The following TMEM156 variants were observed in gnomAD, a reference collection of about 807,000 sequenced individuals.
The protein encoded by TMEM156 is transmembrane protein 156.
A neutral mutation model predicts 30.5 loss-of-function variants in TMEM156; 28 were observed. That is an observed-to-expected ratio of 0.92 (90% CI 0.68 to 1.26). TMEM156 has a LOEUF of 1.26. Among genes scored for constraint, TMEM156 ranks in the 50% most tolerant of loss-of-function variants. The pLI, the probability that TMEM156 is intolerant of heterozygous loss-of-function variation, is 0.00. For missense variants in TMEM156, 351 were observed against 340.6 expected (o/e 1.03, Z -0.24); for synonymous variants, 137 against 119.9 (o/e 1.14, Z -0.93).
intron 1 of TMEM156, among the ~76,000 whole-genome samples, chr4:39,007,415 TTTTA>T (rs56959550): frequency 6.6e-6 from 1 of 151,562 alleles, no homozygotes. Context: ...CTTCCTTTCT[TTTTA>T]TTTATTTATG....
intron 5 of TMEM156, among the ~76,000 whole-genome samples, chr4:38,985,048 G>A (rs1032093724): frequency 1.3e-5 from 2 of 152,058 alleles, no homozygotes; most frequent in African/African-American, 4.8e-5. Flanking sequence ...TCAAAATTAC[G>A]ACTTGAAAAC....
chr4:38,971,332 C>A (rs911441071), intron 5 of TMEM156, among the ~76,000 whole-genome samples, 195 bp from the exon 6 acceptor site: 2 of 152,208 alleles, frequency 1.3e-5, no homozygotes, highest in Non-Finnish European at 2.9e-5. Flanking sequence ...CCTCACCCCA[C>A]GTCCTGGGCA....
intron 1 of TMEM156, among the ~76,000 whole-genome samples, chr4:39,031,670 G>C (rs942317376): frequency 2.0e-5 from 3 of 152,090 alleles, no homozygotes; most frequent in South Asian, 2.1e-4. Flanking sequence ...TGGATCACAA[G>C]GTCAGGAGTT....
rs1201796943 is a variant in TMEM156, at chr4:39,029,573, G to A, written c.88+2653C>T. On this transcript the variant is annotated intron_variant, in intron 1 of 6. Transcript: ENST00000381938. ...ACTAAAAATACAAAAAATTAGCCGG[G>A]CGTGGTAGCGGGCGCCTGTAGTCCC... is the stretch of plus-strand genomic sequence containing the variant. Among the ~76,000 whole-genome samples, 2 of 65,562 alleles carry A rather than the reference G, an allele frequency of 3.1e-5. 1 individual carries two copies. The highest frequency in any genetic ancestry group is 1.8e-4 in the African/African-American group (2 of 11,066). 43.0% of individuals were successfully genotyped at this position (65,562 alleles called of 152,430 possible). A position where few individuals can be genotyped will look rare whatever the true frequency, so the allele number is the denominator to read the frequency against.
At chr4:38,975,746 C>G (rs34425492) in intron 5 of TMEM156, among the ~76,000 whole-genome samples, 3 of 151,868 alleles carry the variant, frequency 2.0e-5, no homozygotes, top group Non-Finnish European at 2.9e-5. Context: ...TCCCACCCCC[C>G]TGATGTGCAA....
At chr4:38,970,939 ACCAG>A in intron 6 of TMEM156, 89 bp downstream of exon 6, 1 of 765,826 alleles carries the variant, frequency 1.3e-6, no homozygotes, top group South Asian at 1.8e-5. Flanking sequence ...TCTACCTCCT[ACCAG>A]ATAGAAATGG....
chr4:38,974,795 C>T (rs990508242), intron 5 of TMEM156, among the ~76,000 whole-genome samples: 2 of 151,842 alleles, frequency 1.3e-5, no homozygotes, highest in South Asian at 2.1e-4. Flanking sequence ...CTCAGCCTCC[C>T]AAGTAGCTGG....
intron 1 of TMEM156, among the ~76,000 whole-genome samples, chr4:39,001,610 T>C (rs529917091): frequency 6.6e-6 from 1 of 151,102 alleles, no homozygotes; most frequent in East Asian, 2.0e-4. Flanking sequence ...GCTGGAGGCA[T>C]CACACTACCT....
chr4:39,007,897 T>C (rs2712005), intron 1 of TMEM156, among the ~76,000 whole-genome samples: 23,447 of 152,102 alleles, frequency 0.15, 4,027 homozygotes, highest in African/African-American at 0.43. Context: ...TTTTTGTTGC[T>C]ATTGTCAATA....
chr4:38,997,168 G>A (rs1339549723), intron 2 of TMEM156, among the ~76,000 whole-genome samples: 2 of 152,176 alleles, frequency 1.3e-5, no homozygotes, highest in Non-Finnish European at 2.9e-5. Flanking sequence ...ACACTTCCTA[G>A]TTCTCTGTCA....
chr4:39,010,780 C>G (rs934459132), intron 1 of TMEM156, among the ~76,000 whole-genome samples: 1 of 152,060 alleles, frequency 6.6e-6, no homozygotes, highest in Non-Finnish European at 1.5e-5. Flanking sequence ...GATTAAAGAT[C>G]TAAATGTAAG....
Position 38,988,843 on chromosome 4 carries a change from A to G in TMEM156, c.739+8T>C, listed in dbSNP as rs757138924. ...GGAGTTCCTCGGCACTACAGGGATT[A>G]TACTTACTCTGCCACTTTTGCACTC... On this transcript the variant is annotated splice_region_variant and intron_variant, in intron 4 of 6. Coordinates refer to ENST00000381938, the MANE Select transcript of TMEM156 (RefSeq NM_024943.3). 2 of 1,613,902 alleles carry G rather than the reference A, an allele frequency of 1.2e-6. No individual in the cohort carries two copies. The highest frequency in any genetic ancestry group is 1.3e-5 in the African/African-American group (1 of 74,936).
intron 2 of TMEM156, among the ~76,000 whole-genome samples, chr4:38,997,433 A>AT (rs906737408): frequency 3.3e-5 from 5 of 151,888 alleles, no homozygotes; most frequent in Middle Eastern, 3.2e-3. Flanking sequence ...ATAATGATAT[A>AT]TTTTTTAAAA....
Position 38,967,504 on chromosome 4 carries a change from T to C in TMEM156, c.*176A>G, listed in dbSNP as rs369644785. 2.8e-4 allele frequency: 42 copies of C among 152,354 alleles called. No individual in the cohort carries two copies. Among genetic ancestry groups the C allele is most frequent in the African/African-American group, 9.9e-4 (41 of 41,584 alleles). 9.4% of individuals were successfully genotyped at this position (152,354 alleles called of 1,614,324 possible). A position where few individuals can be genotyped will look rare whatever the true frequency, so the allele number is the denominator to read the frequency against. ...CGAATGAATGCTCTTAAGCTAGTTT[T>C]CATCAACCAGTCAGCATTCCTCCTG... On this transcript the variant is annotated 3_prime_UTR_variant, in exon 7 of 7. Coordinates refer to ENST00000381938, the MANE Select transcript of TMEM156 (RefSeq NM_024943.3).
intron 1 of TMEM156, among the ~76,000 whole-genome samples, chr4:39,026,794 G>T (rs1715227770): frequency 6.6e-6 from 1 of 152,010 alleles, no homozygotes; most frequent in South Asian, 2.1e-4. Flanking sequence ...GGACATGGTG[G>T]TGCGTGCCTG....
chr4:38,976,596 A>G (rs770832104), intron 5 of TMEM156, among the ~76,000 whole-genome samples: 12 of 152,218 alleles, frequency 7.9e-5, no homozygotes, highest in Non-Finnish European at 1.5e-4. Context: ...ACTGTGAGAT[A>G]ATAAGTGTGT....
intron 1 of TMEM156, among the ~76,000 whole-genome samples, chr4:39,003,454 C>T (rs1485278891): frequency 1.3e-5 from 2 of 152,080 alleles, no homozygotes; most frequent in Non-Finnish European, 2.9e-5. Flanking sequence ...TCTGCCTCAC[C>T]CTCCTGAATA....
chr4:39,010,570 A>G (rs892825895), intron 1 of TMEM156, among the ~76,000 whole-genome samples: 4 of 152,214 alleles, frequency 2.6e-5, no homozygotes, highest in Non-Finnish European at 4.4e-5. Context: ...ATTAATAGAC[A>G]CATAGACTAA....
intron 1 of TMEM156, among the ~76,000 whole-genome samples, chr4:39,006,329 TG>T (rs1482766467): frequency 1.3e-5 from 2 of 152,208 alleles, no homozygotes; most frequent in East Asian, 3.8e-4. Context: ...TTTGATTTTT[TG>T]TTAGGTTGTC....
Sources: allele counts gnomAD v4.1 joint callset (sites outside exome capture counted in the v4.1 genomes callset), GRCh38; gene constraint gnomAD v4.1.1; transcripts MANE v1.5; gene names NCBI Gene and HGNC (gene_info 2026-07-23, HGNC 2026-07-21).